LPCAT2: variants seen among roughly 807,000 people sequenced by gnomAD.
The protein encoded by LPCAT2 is lysophosphatidylcholine acyltransferase 2, also known as 1-AGP acyltransferase 11.
LPCAT2 carries 58 observed loss-of-function variants against 64.7 expected under a neutral mutation model. The ratio of observed to expected loss-of-function variants is 0.90; its 90% CI spans 0.73 to 1.12. LPCAT2 has a LOEUF of 1.12. LPCAT2 is among the 50% of genes most tolerant of loss of function. The pLI, the probability that LPCAT2 is intolerant of heterozygous loss-of-function variation, is 0.00. For synonymous variants in LPCAT2, 252 were observed against 245.3 expected (o/e 1.03, Z -0.26); for missense variants, 579 against 669.8 (o/e 0.86, Z 1.50).
At chr16:55,542,907 G>A (rs570103433) in intron 8 of LPCAT2, among the ~76,000 whole-genome samples, 5 of 152,280 alleles carry the variant, frequency 3.3e-5, no homozygotes, top group African/African-American at 1.2e-4. Flanking sequence ...TGTGAGTAAT[G>A]AGGATACTGA....
chr16:55,517,773 T>C (rs1963034679), intron 1 of LPCAT2, among the ~76,000 whole-genome samples: 1 of 152,100 alleles, frequency 6.6e-6, no homozygotes, highest in Non-Finnish European at 1.5e-5. Flanking sequence ...ACTTTCATGA[T>C]AAAAACCACT....
intron 11 of LPCAT2, among the ~76,000 whole-genome samples, chr16:55,563,423 C>T (rs889135165): frequency 5.9e-5 from 9 of 151,844 alleles, no homozygotes; most frequent in Admixed American, 4.6e-4. Context: ...AAACTACAGA[C>T]CAATATGCCA....
At chr16:55,516,492 G>T (rs1485802481) in intron 1 of LPCAT2, among the ~76,000 whole-genome samples, 5 of 152,194 alleles carry the variant, frequency 3.3e-5, no homozygotes, top group African/African-American at 1.2e-4. Flanking sequence ...AGCCAGGAGA[G>T]AGCTGGAATT....
intron 1 of LPCAT2, among the ~76,000 whole-genome samples, chr16:55,510,139 G>C (rs1161558406): frequency 1.3e-5 from 2 of 151,946 alleles, no homozygotes; most frequent in African/African-American, 4.8e-5. Context: ...TGGAGGGTGG[G>C]AAGTCAGAAT....
intron 11 of LPCAT2, among the ~76,000 whole-genome samples, chr16:55,571,362 G>T (rs552186422): frequency 1.3e-5 from 2 of 152,098 alleles, no homozygotes; most frequent in Non-Finnish European, 2.9e-5. Flanking sequence ...GTGCTGGGGG[G>T]CCATGAGCTC....
rs1963909834 is a variant in LPCAT2, at chr16:55,583,420, G to A, written c.*322G>A. The A allele has an allele frequency of 5.7e-6, 1 of 174,192 alleles. No individual in the cohort carries two copies. Among genetic ancestry groups the A allele is most frequent in the African/African-American group, 2.4e-5 (1 of 42,254 alleles). 10.8% of individuals were successfully genotyped at this position (174,192 alleles called of 1,614,324 possible). ...CTATTGGTGAGCATTGAGCAACACT[G>A]TATAAAGTTTTAAAAATGTAAACAC... On this transcript the variant is annotated 3_prime_UTR_variant, in exon 14 of 14. Coordinates refer to ENST00000262134, the MANE Select transcript of LPCAT2 (RefSeq NM_017839.5).
intron 11 of LPCAT2, among the ~76,000 whole-genome samples, chr16:55,559,745 C>T (rs1420056251): frequency 6.6e-6 from 1 of 150,510 alleles, no homozygotes; most frequent in East Asian, 1.9e-4. Context: ...GAAGTCTATT[C>T]CACAACTTAT....
chr16:55,562,712 C>A (rs1405958676), intron 11 of LPCAT2, among the ~76,000 whole-genome samples: 1 of 151,808 alleles, frequency 6.6e-6, no homozygotes, highest in African/African-American at 2.4e-5. Flanking sequence ...CATAATAAAT[C>A]AGATTGAATC....
intron 2 of LPCAT2, among the ~76,000 whole-genome samples, chr16:55,526,568 A>C (rs1002360889): frequency 1.3e-5 from 2 of 152,216 alleles, no homozygotes; most frequent in African/African-American, 4.8e-5. Context: ...AACAAATTTC[A>C]CTATCAAAGT....
At chr16:55,518,586 A>G (rs2142390876) in intron 1 of LPCAT2, among the ~76,000 whole-genome samples, 1 of 152,366 alleles carries the variant, frequency 6.6e-6, no homozygotes, top group East Asian at 1.9e-4. Flanking sequence ...ACAGACATAT[A>G]GATCAATGAA....
intron 1 of LPCAT2, among the ~76,000 whole-genome samples, chr16:55,511,972 G>A (rs1350564719): frequency 6.6e-6 from 1 of 152,146 alleles, no homozygotes; most frequent in East Asian, 1.9e-4. Flanking sequence ...GGGAATTTGA[G>A]TCGTCTCATC....
At chr16:55,511,002 A>G (rs1430772421) in intron 1 of LPCAT2, among the ~76,000 whole-genome samples, 1 of 152,206 alleles carries the variant, frequency 6.6e-6, no homozygotes, top group Non-Finnish European at 1.5e-5. Flanking sequence ...GAGTTATAGT[A>G]TAATGGAATG....
intron 8 of LPCAT2, chr16:55,539,247 C>CTTTTTTTTTTTTTT (rs11314938): frequency 7.3e-6 from 1 of 136,198 alleles, no homozygotes; most frequent in Non-Finnish European, 1.6e-5. Context: ...TCATGGCTTT[C>CTTTTTTTTTTTTTT]TTTTTTTTTT....
intron 1 of LPCAT2, among the ~76,000 whole-genome samples, chr16:55,525,226 C>A (rs1963152947): frequency 6.6e-6 from 1 of 152,104 alleles, no homozygotes; most frequent in African/African-American, 2.4e-5. Context: ...TACACCTTTT[C>A]TTTGTTCCCC....
chr16:55,534,535 A>G, intron 7 of LPCAT2, 58 bp downstream of exon 7: 1 of 806,086 alleles, frequency 1.2e-6, no homozygotes, highest in Non-Finnish European at 2.0e-6. Flanking sequence ...GAAGAAAAAG[A>G]AAGATCATTT....
chr16:55,534,540 T>A (rs1963299272), intron 7 of LPCAT2, 63 bp downstream of exon 7: 5 of 744,030 alleles, frequency 6.7e-6, no homozygotes, highest in Admixed American at 2.6e-5. Flanking sequence ...AAAAGAAAGA[T>A]CATTTATTCA....
rs1199331196 is a variant in LPCAT2, at chr16:55,583,159, T to C, written c.*61T>C. The C allele has an allele frequency of 3.8e-5, 47 of 1,243,988 alleles. No individual in the cohort carries two copies. Among genetic ancestry groups the C allele is most frequent in the Non-Finnish European group, 4.6e-5 (41 of 891,486 alleles). The allele number at this position is 1,243,988 out of a possible 1,614,324, so 77.1% of individuals were successfully genotyped here. On this transcript the variant is annotated 3_prime_UTR_variant, in exon 14 of 14. Transcript: ENST00000262134. Reference sequence around the variant, plus strand: ...TTGCTTGAAATTGTAAAGGCACTTATTGATAATACTTTTAATGTGTTGGTA... The same window carrying C: ...TTGCTTGAAATTGTAAAGGCACTTACTGATAATACTTTTAATGTGTTGGTA...
intron 8 of LPCAT2, among the ~76,000 whole-genome samples, chr16:55,537,863 G>A (rs1464917178): frequency 3.9e-5 from 6 of 152,198 alleles, no homozygotes; most frequent in Non-Finnish European, 2.9e-5. Flanking sequence ...GCATCACCTT[G>A]CTCTCATCTT....
intron 1 of LPCAT2, among the ~76,000 whole-genome samples, chr16:55,520,214 T>A (rs981971679): frequency 6.6e-5 from 10 of 152,012 alleles, no homozygotes; most frequent in Non-Finnish European, 1.2e-4. Flanking sequence ...GTGGAAATAA[T>A]GTAAGTGTAA....
Sources: allele counts gnomAD v4.1 joint callset (sites outside exome capture counted in the v4.1 genomes callset), GRCh38; gene constraint gnomAD v4.1.1; transcripts MANE v1.5; gene names NCBI Gene and HGNC (gene_info 2026-07-23, HGNC 2026-07-21).